C4orf50: variants seen among roughly 807,000 people sequenced by gnomAD.
The protein encoded by C4orf50 is uncharacterized protein C4orf50.
Under a neutral mutation model 77.2 loss-of-function variants are expected in C4orf50, and 80 were observed. That is an observed-to-expected ratio of 1.04 (90% CI 0.87 to 1.25). The LOEUF (loss-of-function observed/expected upper bound fraction) is 1.25. Ranked by LOEUF, C4orf50 falls within the 50% of genes most tolerant of loss-of-function variation. C4orf50 has a pLI of 0.00. For missense variants in C4orf50, 1,257 were observed against 1,152.9 expected (o/e 1.09, Z -1.31); for synonymous variants, 532 against 465.3 (o/e 1.14, Z -1.84).
intron 7 of C4orf50, among the ~76,000 whole-genome samples, chr4:5,925,680 G>T (rs1395867339): frequency 6.6e-6 from 1 of 152,268 alleles, no homozygotes; most frequent in African/African-American, 2.4e-5. Context: ...CGGCCCTGTG[G>T]TCACAGAAAT....
chr4:5,954,320 G>A (rs1577927027), downstream of C4orf50, among the ~76,000 whole-genome samples: 1 of 152,108 alleles, frequency 6.6e-6, no homozygotes, highest in African/African-American at 2.4e-5. This position sits in a 1 kb window ranked among gnomAD's most constrained non-coding sequence, Gnocchi z 4.7. Flanking sequence ...GGCTGGGCAT[G>A]GGGAAGCAGC....
intron 26 of C4orf50, among the ~76,000 whole-genome samples, chr4:5,993,438 A>G (rs1229821357): frequency 2.0e-5 from 3 of 152,224 alleles, no homozygotes; most frequent in African/African-American, 4.8e-5. Context: ...GGCTGGAAAT[A>G]AACCACAGAT....
intron 27 of C4orf50, among the ~76,000 whole-genome samples, chr4:5,991,737 G>C (rs1314541422): frequency 6.6e-6 from 1 of 152,138 alleles, no homozygotes; most frequent in Non-Finnish European, 1.5e-5. Context: ...GAAGGACAGA[G>C]GGAGCATCTC....
chr4:5,990,899 C>G (rs1195163511), intron 27 of C4orf50, 75 bp from the exon 6 acceptor site: 1 of 398,392 alleles, frequency 2.5e-6, no homozygotes, highest in Non-Finnish European at 4.4e-6. Flanking sequence ...CACTCACCTC[C>G]TGGGGTTCTC....
rs1018632723 is a variant in C4orf50 at position 5,919,686 on chromosome 4, G to A, written c.*2475-21498C>T. The stretch of plus-strand genomic sequence containing the variant: ...GAGTAGTCAGGCCTTTGCGAGGCTG[G>A]CTGCTGCAAATAAGAATTGGTGCCT... On this transcript the variant is annotated intron_variant, in intron 7 of 7. Transcript: ENST00000324058. The surrounding 1 kb of genome is among the most constrained non-coding windows in gnomAD (Gnocchi z 6.5). Among the ~76,000 whole-genome samples, 3 of 152,146 alleles carry A rather than the reference G, an allele frequency of 2.0e-5. No homozygotes were observed. The highest frequency in any genetic ancestry group is 7.2e-5 in the African/African-American group (3 of 41,418).
chr4:6,004,833 A>T (rs867048787), intron 25 of C4orf50, among the ~76,000 whole-genome samples: 1,724 of 112,638 alleles, frequency 0.015, 14 homozygotes, highest in Non-Finnish European at 0.018. Context: ...GATAGTGATG[A>T]TGTGATGGTG....
At chr4:5,915,533 T>C (rs1452754058) in intron 7 of C4orf50, among the ~76,000 whole-genome samples, 1 of 152,212 alleles carries the variant, frequency 6.6e-6, no homozygotes, top group Non-Finnish European at 1.5e-5. Context: ...CCTTTTCCTT[T>C]CGTCTTGGGA....
At chr4:5,990,227 C>G in exon 28 of C4orf50, 1 of 1,242,258 alleles carries the variant, frequency 8.0e-7, no homozygotes, top group Non-Finnish European at 1.0e-6. Flanking sequence ...GTCTCTGAAG[C>G]CCCATTCTGA....
Position 5,916,661 on chromosome 4 carries a change from G to T in C4orf50, c.*2475-18473C>A, listed in dbSNP as rs892563925. Among the ~76,000 whole-genome samples the T allele has an allele frequency of 6.6e-6, 1 of 152,208 alleles. No individual in the cohort carries two copies. The highest frequency in any genetic ancestry group is 2.4e-5 in the African/African-American group (1 of 41,444). Reference sequence around the variant, plus strand: ...TATTTGGGGGGAGATCCCAGAAGTAGGAGTGAGGGAGCAGGGAGGTGAGAC... The same window carrying T: ...TATTTGGGGGGAGATCCCAGAAGTATGAGTGAGGGAGCAGGGAGGTGAGAC... On this transcript the variant is annotated intron_variant, in intron 7 of 7. Coordinates refer to the C4orf50 transcript ENST00000324058. This position sits in a 1 kb window ranked among gnomAD's most constrained non-coding sequence, Gnocchi z 4.4.
chr4:6,015,095 C>A lies in C4orf50; in HGVS notation c.287+3050G>T, dbSNP rs548062780. Among the ~76,000 whole-genome samples the A allele has an allele frequency of 1.3e-5, 2 of 152,340 alleles. No homozygotes were observed. Among genetic ancestry groups the A allele is most frequent in the Admixed American group, 1.3e-4 (2 of 15,304 alleles). ...GTATGGGCCTACGCTGCTAGTCTCT[C>A]AGCCCAGGGCCCTGCCTTCCCCAAC... On this transcript the variant is annotated intron_variant, in intron 23 of 33. Coordinates refer to ENST00000531445, the Ensembl canonical transcript of C4orf50. This position sits in a 1 kb window ranked among gnomAD's most constrained non-coding sequence, Gnocchi z 4.4.
At position 5,908,608 on chromosome 4, in the gene C4orf50, C is replaced by G. The variant is rs1476058682; in HGVS notation, c.*2475-10420G>C. On this transcript the variant is annotated intron_variant, in intron 7 of 7. Transcript: ENST00000324058. The surrounding 1 kb of genome is among the most constrained non-coding windows in gnomAD (Gnocchi z 5.6). ...GCCCTGGGGTATCAGAAAATGAGGG[C>G]AAAAATGGGGACACTAGTCCATGAC... is the stretch of plus-strand genomic sequence containing the variant. 6.6e-6 allele frequency among the ~76,000 whole-genome samples: 1 copy of G among 151,766 alleles called. No individual in the cohort carries two copies. Among genetic ancestry groups the G allele is most frequent in the Non-Finnish European group, 1.5e-5 (1 of 67,920 alleles).
chr4:5,950,959 G>A (rs1718689060), intron 7 of C4orf50, among the ~76,000 whole-genome samples: 2 of 152,242 alleles, frequency 1.3e-5, no homozygotes, highest in African/African-American at 4.8e-5. Context: ...CTCCAGGTCA[G>A]CATAAGCATG....
exon 32 of C4orf50, chr4:5,967,430 C>T (rs547206177): frequency 6.2e-7 from 1 of 1,614,014 alleles, no homozygotes; most frequent in South Asian, 1.1e-5. Context: ...AAGCTGCCGT[C>T]ATCTCAGACT....
rs1247602267 is a variant in C4orf50, at chr4:5,932,523, C to T, written c.*2474+24378G>A. ...CCATCACAGTTCACTGCAGCCTCGACCTCCCAGGCTCAATTGATCCTCCCG... is the reference window on the plus strand; with the variant it reads ...CCATCACAGTTCACTGCAGCCTCGATCTCCCAGGCTCAATTGATCCTCCCG... On this transcript the variant is annotated intron_variant, in intron 7 of 7. Transcript: ENST00000324058. The surrounding 1 kb of genome is among the most constrained non-coding windows in gnomAD (Gnocchi z 4.2). Among the ~76,000 whole-genome samples the T allele has an allele frequency of 6.6e-6, 1 of 152,308 alleles. No individual in the cohort carries two copies. Among genetic ancestry groups the T allele is most frequent in the Non-Finnish European group, 1.5e-5 (1 of 68,020 alleles).
chr4:6,016,284 C>G (rs1722678945), intron 23 of C4orf50, among the ~76,000 whole-genome samples: 1 of 152,102 alleles, frequency 6.6e-6, no homozygotes, highest in Admixed American at 6.6e-5. Flanking sequence ...TGTGGTGGCT[C>G]ACGTCTATAA....
intron 25 of C4orf50, among the ~76,000 whole-genome samples, chr4:6,004,645 G>C (rs866092596): frequency 1.4e-5 from 2 of 144,710 alleles, no homozygotes; most frequent in South Asian, 4.8e-4. Flanking sequence ...TGATGGTGAT[G>C]GTGATTATGG....
chr4:5,949,989 CAA>C (rs374177600), intron 7 of C4orf50, among the ~76,000 whole-genome samples: 98 of 115,398 alleles, frequency 8.5e-4, no homozygotes, highest in African/African-American at 2.8e-3. Context: ...AACTCCATCT[CAA>C]AAAAAAAAAA....
At chr4:5,991,825 G>T (rs112330990) in intron 27 of C4orf50, among the ~76,000 whole-genome samples, 2 of 152,300 alleles carry the variant, frequency 1.3e-5, no homozygotes, top group African/African-American at 4.8e-5. Context: ...GGGCTTGAAG[G>T]CCAGGAGTGC....
intron 28 of C4orf50, among the ~76,000 whole-genome samples, chr4:5,987,306 G>A (rs1163511130): frequency 2.0e-5 from 3 of 149,924 alleles, no homozygotes; most frequent in Non-Finnish European, 4.4e-5. Flanking sequence ...AGCTACTTGG[G>A]AGGCTGAGGC....
Sources: allele counts gnomAD v4.1 joint callset (sites outside exome capture counted in the v4.1 genomes callset), GRCh38; gene constraint gnomAD v4.1.1; non-coding constraint Gnocchi (gnomAD v3.1); transcripts MANE v1.5; gene names NCBI Gene and HGNC (gene_info 2026-07-23, HGNC 2026-07-21).